The following BCR variants were observed in gnomAD, a reference collection of about 807,000 sequenced individuals.
BCR encodes the protein BCR activator of RhoGEF and GTPase.
Under a neutral mutation model 138.6 loss-of-function variants are expected in BCR, and 58 were observed. The ratio of observed to expected loss-of-function variants is 0.42; its 90% CI spans 0.34 to 0.52. The LOEUF (loss-of-function observed/expected upper bound fraction) is 0.52. BCR is among the 20% of genes least tolerant of loss of function. BCR has a pLI of 0.06. For missense variants in BCR, 1,599 were observed against 1,727.2 expected (o/e 0.93, Z 1.32); for synonymous variants, 786 against 730.1 (o/e 1.08, Z -1.23).
intron 14 of BCR, chr22:23,290,632 C>T (rs2073775335): frequency 7.3e-6 from 4 of 547,494 alleles, no homozygotes; most frequent in South Asian, 3.9e-5. Flanking sequence ...TAGCCTGTCT[C>T]AGATCCTGGG....
chr22:23,311,234 G>A (rs889998635), intron 18 of BCR, among the ~76,000 whole-genome samples: 17 of 146,774 alleles, frequency 1.2e-4, no homozygotes, highest in African/African-American at 3.6e-4. Flanking sequence ...TTGGAGCACC[G>A]GTGCTGAGGC....
rs1257331023 is a variant in BCR at position 23,274,477 on chromosome 22, CA to C, written c.2115+704del. ...GCGTGTAAGCTGGGGAGCCAGTGTC[CA>C]GGGGGAACAGCTTTTGTCAGAAGCA... On this transcript the variant is annotated intron_variant, in intron 8 of 22. Coordinates refer to ENST00000305877, the MANE Select transcript of BCR (RefSeq NM_004327.4). 7.2e-5 allele frequency among the ~76,000 whole-genome samples: 11 copies of C among 152,320 alleles called. No homozygotes were observed. In the East Asian group the frequency reaches 1.9e-3, roughly 27 times the overall value.
In BCR at chr22:23,181,430, A is replaced by G. The variant is rs185673395; in HGVS notation, c.470A>G (p.Asn157Ser). The change falls in exon 1 of 23, where the codon AAC (asparagine) becomes AGC (serine). Residue 157 changes from asparagine to serine, a missense_variant. Around this residue, in one of 4 missense-constraint regions of BCR, gnomAD observed 806 missense variants for 635.0 expected, o/e 1.27. Transcript: ENST00000305877. ...GCCAGCGTGGCGGCGCTCAGGTCCA[A>G]CTTCGAGCGGATCCGCAAGGGCCAT... The part of the protein sequence containing the change: ...PPASVAALRS[N>S]FERIRKGHGQ... The G allele has an allele frequency of 2.4e-5, 38 of 1,594,136 alleles. No individual in the cohort carries two copies. The highest frequency in any genetic ancestry group is 3.1e-5 in the Non-Finnish European group (36 of 1,167,850).
intron 16 of BCR, among the ~76,000 whole-genome samples, chr22:23,301,530 C>T (rs941221073): frequency 2.6e-5 from 4 of 152,194 alleles, no homozygotes; most frequent in African/African-American, 9.7e-5. Context: ...GATGTTGATG[C>T]CTTCACCTTG....
In BCR at chr22:23,181,655, G is replaced by A. The variant is rs1364472046; in HGVS notation, c.695G>A (p.Arg232Gln). ...GGGGATGCATCCAGGCCCCCTTACC[G>A]GGGACGCTCCTCGGAGAGCAGCTGC... Reference protein sequence around the residue: ...SVGDASRPPYRGRSSESSCGV... With the variant: ...SVGDASRPPYQGRSSESSCGV... The change falls in exon 1 of 23, where the codon CGG becomes CAG. Residue 232 changes from arginine (R) to glutamine (Q), a missense_variant. Coordinates refer to ENST00000305877, the MANE Select transcript of BCR (RefSeq NM_004327.4). The A allele has an allele frequency of 1.2e-6, 2 of 1,608,534 alleles. No individual in the cohort carries two copies. Among genetic ancestry groups the A allele is most frequent in the South Asian group, 2.2e-5 (2 of 91,074 alleles).
At chr22:23,291,227 T>G (rs1027878542) in intron 14 of BCR, 18 of 149,838 alleles carry the variant, frequency 1.2e-4, no homozygotes, top group African/African-American at 4.4e-4. Context: ...AAAAAAAAGT[T>G]CCTAGAAACA....
intron 15 of BCR, among the ~76,000 whole-genome samples, chr22:23,293,753 G>A (rs983174755): frequency 6.6e-6 from 1 of 152,084 alleles, no homozygotes; most frequent in Admixed American, 6.5e-5. Context: ...CACCCTCACT[G>A]TCCATGAAGA....
At chr22:23,304,374 C>G (rs1473373890) in intron 16 of BCR, among the ~76,000 whole-genome samples, 1 of 152,010 alleles carries the variant, frequency 6.6e-6, no homozygotes, top group Admixed American at 6.6e-5. Context: ...CTCCACTTAC[C>G]ATTATGTTTT....
At chr22:23,308,358 T>C (rs944427056) in intron 16 of BCR, among the ~76,000 whole-genome samples, 3 of 151,904 alleles carry the variant, frequency 2.0e-5, no homozygotes, top group African/African-American at 7.3e-5. Flanking sequence ...CAGGCTGGAG[T>C]GCAGTGGCGC....
intron 16 of BCR, among the ~76,000 whole-genome samples, chr22:23,299,625 C>T (rs964216447): frequency 6.6e-6 from 1 of 151,790 alleles, no homozygotes; most frequent in African/African-American, 2.4e-5. Flanking sequence ...CTCCAGTATC[C>T]AGACAGAGAC....
At chr22:23,298,171 A>G (rs1238259731) in intron 16 of BCR, among the ~76,000 whole-genome samples, 1 of 152,180 alleles carries the variant, frequency 6.6e-6, no homozygotes, top group East Asian at 1.9e-4. Context: ...GGGTTGATGG[A>G]TGGAAAATGA....
intron 1 of BCR, among the ~76,000 whole-genome samples, chr22:23,187,531 C>A (rs1407937933): frequency 6.7e-6 from 1 of 150,288 alleles, no homozygotes; most frequent in Admixed American, 6.6e-5. Flanking sequence ...ATTGGATCTC[C>A]CTATGTTGCC....
intron 2 of BCR, among the ~76,000 whole-genome samples, chr22:23,258,722 A>G (rs988106201): frequency 2.6e-4 from 39 of 152,298 alleles, no homozygotes; most frequent in African/African-American, 8.9e-4. Flanking sequence ...GCTGCACAGA[A>G]TCCTGCAAGG....
intron 4 of BCR, among the ~76,000 whole-genome samples, chr22:23,267,213 G>A (rs1209563649): frequency 6.6e-6 from 1 of 152,090 alleles, no homozygotes; most frequent in Non-Finnish European, 1.5e-5. Flanking sequence ...GGCACTCAGT[G>A]ACTTGCAAAG....
intron 17 of BCR, chr22:23,309,932 T>A: frequency 3.1e-6 from 1 of 321,838 alleles, no homozygotes; most frequent in Non-Finnish European, 5.8e-6. Flanking sequence ...TAATTTTTAA[T>A]TGTTACTAAG....
chr22:23,274,770 C>T (rs2073552646), intron 8 of BCR, among the ~76,000 whole-genome samples: 1 of 151,794 alleles, frequency 6.6e-6, no homozygotes. Flanking sequence ...TAACTGGGCA[C>T]GGTGGTGGGT....
intron 9 of BCR, among the ~76,000 whole-genome samples, chr22:23,284,760 G>C (rs530448359): frequency 5.3e-5 from 8 of 152,308 alleles, no homozygotes; most frequent in Middle Eastern, 3.4e-3. Flanking sequence ...GCTCCCACAT[G>C]AGCCTTCAAC....
chr22:23,292,347 G>A (rs1018137226), intron 14 of BCR, among the ~76,000 whole-genome samples, 194 bp from the exon 15 acceptor site: 11 of 152,224 alleles, frequency 7.2e-5, no homozygotes, highest in Non-Finnish European at 1.6e-4. Context: ...TCCACAGAGC[G>A]GGCAGGGGCA....
chr22:23,309,716 C>T (rs2073987512), intron 17 of BCR: 3 of 562,578 alleles, frequency 5.3e-6, no homozygotes, highest in Admixed American at 3.1e-5. Context: ...ACAAAGGTCT[C>T]ATGGCACCAC....
Sources: gnomAD v4.1 joint callset for allele counts (sites outside exome capture counted in the v4.1 genomes callset) on GRCh38, gnomAD v4.1.1 for gene constraint, gnomAD v4.1.1 regional missense constraint, MANE v1.5 for transcripts, NCBI Gene and HGNC (gene_info 2026-07-23, HGNC 2026-07-21) for gene names.